Variants in PGBD1 observed in about 807,000 individuals in gnomAD.
PGBD1 encodes piggyBac transposable element-derived protein 1.
PGBD1 carries 25 observed loss-of-function variants against 34.7 expected under a neutral mutation model. The observed-to-expected ratio is 0.72, with a 90% CI of 0.52 to 1.00. The LOEUF is 1.00. Among genes scored for constraint, PGBD1 ranks in the 50% least tolerant of loss-of-function variants. PGBD1 has a pLI of 0.00. For missense variants in PGBD1, 830 were observed against 959.4 expected (o/e 0.87, Z 1.78); for synonymous variants, 292 against 335.7 (o/e 0.87, Z 1.42).
chr6:28,302,270 C>T lies in PGBD1; in HGVS notation c.2416C>T (p.His806Tyr). The change falls in exon 7 of 7, where the codon CAT becomes TAT. Residue 806 changes from histidine to tyrosine, a missense_variant. Around this residue, in one of 3 missense-constraint regions of PGBD1, gnomAD observed 372 missense variants for 427.9 expected, o/e 0.87. Transcript: ENST00000682144. ...ACATTTCTACTTGGAACACAATGCTCATCTGTCAGATTAGGGTACATAAAA... is the reference window on the plus strand; with the variant it reads ...ACATTTCTACTTGGAACACAATGCTTATCTGTCAGATTAGGGTACATAAAA... ...VAHFYLEHNA[H>Y]LSD 3 of 1,611,376 alleles carry T rather than the reference C, an allele frequency of 1.9e-6. No individual in the cohort carries two copies. Among genetic ancestry groups the T allele is most frequent in the Non-Finnish European group, 2.5e-6 (3 of 1,177,980 alleles).
At position 28,301,951 on chromosome 6, in the gene PGBD1, C is replaced by G; in HGVS notation, c.2097C>G (p.Ser699=). The G allele has an allele frequency of 1.2e-6, 2 of 1,614,080 alleles. No individual in the cohort carries two copies. Among genetic ancestry groups the G allele is most frequent in the African/African-American group, 2.7e-5 (2 of 74,996 alleles). The change falls in exon 7 of 7, where the codon TCC becomes TCG. Residue 699 remains serine, a synonymous_variant. Transcript: ENST00000682144. ...GGGATGGCATTATCAGTCTGTGCTC[C>G]AATGCTGTGGGCATAGAACCAGTCA... is the stretch of plus-strand genomic sequence containing the variant. ...WYGDGIISLC[S]NAVGIEPVNE... is the part of the protein sequence containing the mutation.
At chr6:28,298,623 A>G (rs956925406) in intron 6 of PGBD1, among the ~76,000 whole-genome samples, 2 of 152,142 alleles carry the variant, frequency 1.3e-5, no homozygotes, top group African/African-American at 2.4e-5. Context: ...TTCAACCGCC[A>G]TTGGGAGACC....
At chr6:28,282,875 A>G (rs1183194590) in intron 1 of PGBD1, among the ~76,000 whole-genome samples, 1 of 152,236 alleles carries the variant, frequency 6.6e-6, no homozygotes, top group African/African-American at 2.4e-5. Context: ...GGAGATCACA[A>G]AGGAAAAAAT....
rs1181080645 is a variant in PGBD1, at chr6:28,300,986, A to G, written c.1132A>G (p.Lys378Glu). The G allele has an allele frequency of 6.2e-7, 1 of 1,614,212 alleles. No individual in the cohort carries two copies. The change falls in exon 7 of 7, where the codon AAG becomes GAG. Residue 378 changes from lysine to glutamate, a missense_variant. Lys to Glu is a moderately conservative substitution (Grantham distance 56, BLOSUM62 1). This residue lies in a region of PGBD1 where 457 missense variants were observed against 515.4 expected (regional missense o/e 0.89). Coordinates refer to ENST00000682144, the MANE Select transcript of PGBD1 (RefSeq NM_032507.4). The surrounding 1 kb of genome is among the most constrained non-coding windows in gnomAD (Gnocchi z 4.0). ...DNEPEIQPAQ[K>E]KLKVSCFPEK... is the part of the protein sequence containing the mutation. The stretch of plus-strand genomic sequence containing the variant: ...TGAGCCTGAGATCCAGCCTGCTCAA[A>G]AGAAGTTAAAGGTATCATGTTTCCC...
At chr6:28,291,606 G>GC (rs1762454933) in intron 4 of PGBD1, among the ~76,000 whole-genome samples, 1 of 149,906 alleles carries the variant, frequency 6.7e-6, no homozygotes, top group Non-Finnish European at 1.5e-5. Flanking sequence ...ATTCTAGGAG[G>GC]CCAGCATTGC....
chr6:28,287,294 G>C, intron 4 of PGBD1, 126 bp downstream of exon 4: 1 of 775,446 alleles, frequency 1.3e-6, no homozygotes, highest in East Asian at 2.6e-5. Context: ...TAGTCCCTCT[G>C]CCTTCACCTT....
At chr6:28,296,716 C>T (rs187803069) in intron 4 of PGBD1, 100 bp from the exon 5 acceptor site, 30 of 1,362,084 alleles carry the variant, frequency 2.2e-5, no homozygotes, top group African/African-American at 1.5e-5. Flanking sequence ...CCCTGAGGGG[C>T]TGGGACTACC....
chr6:28,302,053 T>C lies in PGBD1; in HGVS notation c.2199T>C (p.Asp733=). The C allele has an allele frequency of 1.2e-6, 2 of 1,614,076 alleles. No individual in the cohort carries two copies. Among genetic ancestry groups the C allele is most frequent in the Non-Finnish European group, 1.7e-6 (2 of 1,180,014 alleles). The change falls in exon 7 of 7, where the codon GAT becomes GAC. Residue 733 remains aspartate (D), a synonymous_variant. Coordinates refer to ENST00000682144, the MANE Select transcript of PGBD1 (RefSeq NM_032507.4). ...AACCATCCATAGTAAAAGTGTATGA[T>C]GAATGCAAGGAAGGTGTAGCTAAAA... ...ISQPSIVKVY[D]ECKEGVAKMD...
chr6:28,288,517 T>G (rs1316246780), intron 4 of PGBD1, among the ~76,000 whole-genome samples: 1 of 152,174 alleles, frequency 6.6e-6, no homozygotes, highest in Non-Finnish European at 1.5e-5. Flanking sequence ...TTAAACAGTC[T>G]GCTCTTGGAG....
chr6:28,296,931 G>A lies in PGBD1; in HGVS notation c.758G>A (p.Ser253Asn). ...AACTCAGCTCAGGAGACAGTTATGA[G>A]CCTCAGTCCGATGAGTAAGGCCAGG... is the stretch of plus-strand genomic sequence containing the variant. ...CGNSAQETVMSLSPMTEEIVT... is the reference protein window; with the variant it reads ...CGNSAQETVMNLSPMTEEIVT... The change falls in exon 5 of 7, where the codon AGC becomes AAC. Residue 253 changes from serine (S) to asparagine (N), a missense_variant. Coordinates refer to ENST00000682144, the MANE Select transcript of PGBD1 (RefSeq NM_032507.4). 1 of 1,614,072 alleles carries A rather than the reference G, an allele frequency of 6.2e-7. No individual in the cohort carries two copies. Among genetic ancestry groups the A allele is most frequent in the Non-Finnish European group, 8.5e-7 (1 of 1,179,980 alleles).
intron 1 of PGBD1, 76 bp downstream of exon 1, chr6:28,281,994 G>C (rs938107357): frequency 6.6e-5 from 10 of 152,376 alleles, no homozygotes; most frequent in African/African-American, 2.4e-4. Flanking sequence ...TGGGGTTGGT[G>C]ATCTGTAATA....
chr6:28,302,008 A>G lies in PGBD1; in HGVS notation c.2154A>G (p.Glu718=). 6.2e-7 allele frequency: 1 copy of G among 1,614,216 alleles called. No individual in the cohort carries two copies. Among genetic ancestry groups the G allele is most frequent in the Non-Finnish European group, 8.5e-7 (1 of 1,180,026 alleles). The change falls in exon 7 of 7, where the codon GAA becomes GAG. Residue 718 remains glutamate (E), a synonymous_variant. Coordinates refer to ENST00000682144, the MANE Select transcript of PGBD1 (RefSeq NM_032507.4). Reference sequence around the variant, plus strand: ...TAAGCTGTTGTGATGCTGATAACGAAGAAATCCCTCAGATAAGTCAACCAT... The same window carrying G: ...TAAGCTGTTGTGATGCTGATAACGAGGAAATCCCTCAGATAAGTCAACCAT... ...NEVSCCDADN[E]EIPQISQPSI...
Position 28,302,377 on chromosome 6 carries a change from T to C in PGBD1, c.*93T>C. On this transcript the variant is annotated 3_prime_UTR_variant, in exon 7 of 7. Transcript: ENST00000682144. ...GTACCCTCCCAAAGTAAATCTGATA[T>C]ATGTAATGAAGTTATTAAATAATAC... 7 of 1,253,450 alleles carry C rather than the reference T, an allele frequency of 5.6e-6. No homozygotes were observed. Among genetic ancestry groups the C allele is most frequent in the South Asian group, 1.6e-5 (1 of 64,084 alleles). 77.6% of individuals were successfully genotyped at this position (1,253,450 alleles called of 1,614,324 possible). A position where few individuals can be genotyped will look rare whatever the true frequency, so the allele number is the denominator to read the frequency against.
chr6:28,301,494 A>C lies in PGBD1; in HGVS notation c.1640A>C (p.Lys547Thr). 1 of 1,614,058 alleles carries C rather than the reference A, an allele frequency of 6.2e-7. No individual in the cohort carries two copies. The highest frequency in any genetic ancestry group is 8.5e-7 in the Non-Finnish European group (1 of 1,179,976). Residue 547 changes from lysine (K) to threonine (T), a missense_variant, in exon 7 of 7, where the codon AAG becomes ACG. Transcript: ENST00000682144. Reference protein sequence around the residue: ...APLEEYYCFDKSMCECFDSDQ... With the variant: ...APLEEYYCFDTSMCECFDSDQ... ...CTGGAAGAATACTATTGCTTTGATA[A>C]GTCAATGTGTGAATGCTTTGATAGT...
intron 4 of PGBD1, among the ~76,000 whole-genome samples, chr6:28,291,784 A>C (rs1762462213): frequency 6.6e-6 from 1 of 152,218 alleles, no homozygotes; most frequent in African/African-American, 2.4e-5. Flanking sequence ...CCAGGGATGC[A>C]AGGATGGTTC....
chr6:28,291,688 G>A (rs1196793815), intron 4 of PGBD1, among the ~76,000 whole-genome samples: 1 of 152,022 alleles, frequency 6.6e-6, no homozygotes, highest in Non-Finnish European at 1.5e-5. Flanking sequence ...ATGAGCATAG[G>A]TGCAAAAATT....
rs774853244 is a variant in PGBD1, at chr6:28,302,090, A to G, written c.2236A>G (p.Ile746Val). 6.2e-7 allele frequency: 1 copy of G among 1,614,164 alleles called. No individual in the cohort carries two copies. The highest frequency in any genetic ancestry group is 1.1e-5 in the South Asian group (1 of 91,082). Residue 746 changes from isoleucine (I) to valine (V), a missense_variant, in exon 7 of 7, where the codon ATT becomes GTT. By Grantham distance (29) the Ile-to-Val change is conservative. Transcript: ENST00000682144. ...KEGVAKMDQI[I>V]SKYRVRIRSK... ...AGGTGTAGCTAAAATGGATCAAATT[A>G]TTTCGAAATACAGGGTGAGGATAAG...
rs536451107 is a variant in PGBD1, at chr6:28,300,066, C to T, written c.870-658C>T. ...ACTTTAGCTTACTTCCTTGTAAACC[C>T]CATAAAAATCAGTCCAAGTGCAATG... On this transcript the variant is annotated intron_variant, in intron 6 of 6. Coordinates refer to ENST00000682144, the MANE Select transcript of PGBD1 (RefSeq NM_032507.4). This position sits in a 1 kb window ranked among gnomAD's most constrained non-coding sequence, Gnocchi z 4.0. Among the ~76,000 whole-genome samples the T allele has an allele frequency of 3.9e-4, 60 of 151,982 alleles. No homozygotes were observed. The highest frequency in any genetic ancestry group is 7.4e-4 in the Non-Finnish European group (50 of 68,008).
At chr6:28,292,542 A>T (rs919252190) in intron 4 of PGBD1, among the ~76,000 whole-genome samples, 33 of 152,170 alleles carry the variant, frequency 2.2e-4, no homozygotes, top group Non-Finnish European at 1.8e-4. Flanking sequence ...GAGGACACAA[A>T]AACACTGGAA....
Sources: allele counts gnomAD v4.1 joint callset (sites outside exome capture counted in the v4.1 genomes callset), GRCh38; gene constraint gnomAD v4.1.1; regional missense constraint gnomAD v4.1.1; non-coding constraint Gnocchi (gnomAD v3.1); transcripts MANE v1.5; gene names NCBI Gene and HGNC (gene_info 2026-07-23, HGNC 2026-07-21).